Variants in PTPRD observed in about 807,000 individuals in gnomAD.
The protein encoded by PTPRD is protein tyrosine phosphatase receptor type D.
PTPRD carries 34 observed loss-of-function variants against 214.5 expected under a neutral mutation model. The ratio of observed to expected loss-of-function variants is 0.16; its 90% CI spans 0.12 to 0.21. PTPRD has a LOEUF of 0.21. Among genes scored for constraint, PTPRD ranks in the 10% least tolerant of loss-of-function variants. The pLI is 1.00. For missense variants in PTPRD, 2,545 were observed against 2,398.7 expected, an observed-to-expected ratio of 1.06 and a Z score of -1.27; for synonymous variants, 1,128 against 845.7, an observed-to-expected ratio of 1.33 and a Z score of -5.79.
At chr9:9,286,469 T>C (rs1365582537) in intron 9 of PTPRD, among the ~76,000 whole-genome samples, 2 of 151,856 alleles carry the variant, frequency 1.3e-5, no homozygotes, top group African/African-American at 4.8e-5. Context: ...CCAATCATTT[T>C]GTAATTATCG....
chr9:8,678,483 C>T (rs2097482944), intron 12 of PTPRD, among the ~76,000 whole-genome samples: 1 of 151,996 alleles, frequency 6.6e-6, no homozygotes, highest in Non-Finnish European at 1.5e-5. Flanking sequence ...GTCTTCTCTC[C>T]CCCAGCCCCC....
rs923587209 is a variant in PTPRD at position 10,146,173 on chromosome 9, A to G, written c.-544-112383T>C. The stretch of plus-strand genomic sequence containing the variant: ...TCCATATATATATATATATATGTAT[A>G]TGCCTATACAGTGATCTATGCACAC... On this transcript the variant is annotated intron_variant, in intron 3 of 45. Coordinates refer to ENST00000381196, the MANE Select transcript of PTPRD (RefSeq NM_002839.4). Among the ~76,000 whole-genome samples the G allele has an allele frequency of 2.7e-5, 4 of 150,014 alleles. No individual in the cohort carries two copies. In the South Asian group the frequency reaches 8.4e-4, roughly 32 times the overall value.
chr9:8,390,107 C>G lies in PTPRD; in HGVS notation c.4211-700G>C, dbSNP rs140446380. On this transcript the variant is annotated intron_variant, in intron 36 of 45. Coordinates refer to ENST00000381196, the MANE Select transcript of PTPRD (RefSeq NM_002839.4). The stretch of plus-strand genomic sequence containing the variant: ...ACATGAACCTCCTGGATTAGGACAG[C>G]TGCCCCCTAATTGGATGTCCATCTT... Among the ~76,000 whole-genome samples the G allele has an allele frequency of 4.9e-4, 75 of 152,308 alleles. 1 individual carries two copies. Among genetic ancestry groups the G allele is most frequent in the African/African-American group, 1.8e-3 (74 of 41,584 alleles).
chr9:9,957,515 T>C (rs986844221), intron 4 of PTPRD, among the ~76,000 whole-genome samples: 12 of 152,082 alleles, frequency 7.9e-5, no homozygotes, highest in African/African-American at 2.9e-4. Context: ...ATAATTGAAA[T>C]TAAAATTCAA....
intron 11 of PTPRD, among the ~76,000 whole-genome samples, chr9:8,917,427 G>T (rs148443310): frequency 1.3e-5 from 2 of 151,640 alleles, no homozygotes; most frequent in Non-Finnish European, 2.9e-5. Context: ...GTGAGCCACC[G>T]CGCCCGGCCT....
intron 9 of PTPRD, among the ~76,000 whole-genome samples, chr9:9,376,959 G>A (rs925488244): frequency 1.3e-5 from 2 of 151,922 alleles, no homozygotes; most frequent in South Asian, 2.1e-4. Flanking sequence ...ATATTCTAGG[G>A]AGCACTCAAT....
chr9:9,436,889 C>CAAAAAAAA (rs34882181), intron 8 of PTPRD, among the ~76,000 whole-genome samples: 1 of 143,990 alleles, frequency 6.9e-6, no homozygotes. Flanking sequence ...GTTACTAAGG[C>CAAAAAAAA]AAAAAAAAAA....
chr9:8,967,489 C>T (rs111526908), intron 11 of PTPRD, among the ~76,000 whole-genome samples: 1 of 152,012 alleles, frequency 6.6e-6, no homozygotes, highest in South Asian at 2.1e-4. Context: ...TACTACATAG[C>T]CATAAAAAAA....
At chr9:10,581,180 A>G (rs1415417172) in intron 2 of PTPRD, among the ~76,000 whole-genome samples, 2 of 152,196 alleles carry the variant, frequency 1.3e-5, no homozygotes, top group Non-Finnish European at 2.9e-5. Flanking sequence ...GTTACTATCT[A>G]GGAAGTACTT....
intron 11 of PTPRD, among the ~76,000 whole-genome samples, chr9:8,786,658 A>G (rs1599749556): frequency 6.7e-6 from 1 of 148,510 alleles, no homozygotes; most frequent in Admixed American, 6.7e-5. Flanking sequence ...CAGGTGATCC[A>G]CCCGCCTCGG....
Position 8,610,474 on chromosome 9 carries a change from C to T in PTPRD, c.352+22843G>A, listed in dbSNP as rs541525180. Among the ~76,000 whole-genome samples, 5 of 152,258 alleles carry T rather than the reference C, an allele frequency of 3.3e-5. No individual in the cohort carries two copies. In the South Asian group the frequency reaches 1.0e-3, roughly 32 times the overall value. On this transcript the variant is annotated intron_variant, in intron 14 of 45. Transcript: ENST00000381196. ...GCCCAGCCCAGTGTCCCAGCCACAC[C>T]ACATGGTCTCCTATAGATACCTGAA...
intron 8 of PTPRD, among the ~76,000 whole-genome samples, chr9:9,520,495 G>C (rs930483378): frequency 1.3e-5 from 2 of 152,022 alleles, no homozygotes; most frequent in Non-Finnish European, 2.9e-5. Flanking sequence ...CCATGCATTT[G>C]TGTGTTCTCA....
intron 3 of PTPRD, among the ~76,000 whole-genome samples, chr9:10,061,699 G>A (rs1292822814): frequency 2.0e-5 from 3 of 152,032 alleles, no homozygotes; most frequent in Admixed American, 1.3e-4. Context: ...AAAATGAAAG[G>A]ACAAGAAACA....
intron 2 of PTPRD, among the ~76,000 whole-genome samples, chr9:10,609,181 T>A (rs549621601): frequency 6.6e-6 from 1 of 152,186 alleles, no homozygotes; most frequent in Admixed American, 6.5e-5. Flanking sequence ...TGAAATAATG[T>A]TATTTGCTGC....
intron 2 of PTPRD, among the ~76,000 whole-genome samples, chr9:10,539,346 G>T (rs570319288): frequency 1.4e-4 from 21 of 152,092 alleles, no homozygotes; most frequent in African/African-American, 5.1e-4. Context: ...CATCATGCCG[G>T]GCTAATTTTT....
chr9:8,724,200 T>G (rs1266803085), intron 12 of PTPRD, among the ~76,000 whole-genome samples: 1 of 152,186 alleles, frequency 6.6e-6, no homozygotes, highest in Non-Finnish European at 1.5e-5. Context: ...GGGGGGAATT[T>G]TTTAAATGCC....
At chr9:10,507,283 C>A (rs1189254517) in intron 2 of PTPRD, among the ~76,000 whole-genome samples, 1 of 151,944 alleles carries the variant, frequency 6.6e-6, no homozygotes, top group African/African-American at 2.4e-5. Context: ...AACCACTGCT[C>A]AATGAAATAA....
intron 3 of PTPRD, among the ~76,000 whole-genome samples, chr9:10,294,206 T>C (rs2095609724): frequency 6.6e-6 from 1 of 151,922 alleles, no homozygotes. Context: ...AGTTTATTGA[T>C]AAAGAGTAAG....
At chr9:8,477,106 G>C (rs1029601209) in intron 30 of PTPRD, among the ~76,000 whole-genome samples, 2 of 149,896 alleles carry the variant, frequency 1.3e-5, no homozygotes, top group Admixed American at 1.3e-4. Flanking sequence ...TGAGCTGAAA[G>C]AACTTGCTTG....
Sources: gnomAD v4.1 joint callset for allele counts (sites outside exome capture counted in the v4.1 genomes callset) on GRCh38, gnomAD v4.1.1 for gene constraint, MANE v1.5 for transcripts, NCBI Gene and HGNC (gene_info 2026-07-23, HGNC 2026-07-21) for gene names.